Variants in EXOC6B observed in about 807,000 individuals in gnomAD.
The protein encoded by EXOC6B is SEC15 homolog B.
In EXOC6B, 54 loss-of-function variants were observed where a neutral mutation model predicts 113.5. That is an observed-to-expected ratio of 0.48 (90% CI 0.38 to 0.60). The LOEUF is 0.60. EXOC6B is among the 20% of genes least tolerant of loss of function. EXOC6B has a pLI of 0.00. For missense variants in EXOC6B, 797 were observed against 977.5 expected, an observed-to-expected ratio of 0.82 and a Z score of 2.46; for synonymous variants, 357 against 339.0, an observed-to-expected ratio of 1.05 and a Z score of -0.58.
intron 1 of EXOC6B, among the ~76,000 whole-genome samples, chr2:72,776,723 A>C (rs1683726533): frequency 1.3e-5 from 2 of 152,210 alleles, no homozygotes; most frequent in South Asian, 4.1e-4. Flanking sequence ...TACAAGATGA[A>C]TATCTGGGAC....
intron 6 of EXOC6B, among the ~76,000 whole-genome samples, chr2:72,681,488 C>A (rs1035615192): frequency 1.3e-5 from 2 of 152,138 alleles, no homozygotes; most frequent in Admixed American, 1.3e-4. Flanking sequence ...ATAATAAGGG[C>A]TTTCAATTAC....
chr2:72,343,053 T>A (rs1192413714), intron 19 of EXOC6B, among the ~76,000 whole-genome samples: 2 of 152,176 alleles, frequency 1.3e-5, no homozygotes, highest in Non-Finnish European at 2.9e-5. Context: ...AGTGTGGGGA[T>A]CTTTTACAAC....
chr2:72,663,371 A>C (rs1222038849), intron 6 of EXOC6B, among the ~76,000 whole-genome samples: 2 of 152,228 alleles, frequency 1.3e-5, no homozygotes, highest in Non-Finnish European at 2.9e-5. Flanking sequence ...GTAGTGAAAA[A>C]CATGTGACTA....
intron 1 of EXOC6B, among the ~76,000 whole-genome samples, chr2:72,770,365 T>C (rs1683344697): frequency 6.6e-6 from 1 of 152,186 alleles, no homozygotes; most frequent in African/African-American, 2.4e-5. Context: ...CTACAATCCC[T>C]AATCGAAAAT....
At chr2:72,609,522 TAA>T (rs35677129) in intron 6 of EXOC6B, among the ~76,000 whole-genome samples, 7 of 138,830 alleles carry the variant, frequency 5.0e-5, no homozygotes, top group Admixed American at 3.5e-4. Context: ...TAAAAATAAT[TAA>T]AAAAAAAAAA....
At chr2:72,229,164 A>T (rs1681449542) in intron 20 of EXOC6B, among the ~76,000 whole-genome samples, 1 of 152,166 alleles carries the variant, frequency 6.6e-6, no homozygotes, top group Admixed American at 6.5e-5. Context: ...GTTTCTTAGT[A>T]TGAGTGACTG....
chr2:72,562,146 C>T (rs1573397162), intron 7 of EXOC6B, among the ~76,000 whole-genome samples: 1 of 152,224 alleles, frequency 6.6e-6, no homozygotes, highest in South Asian at 2.1e-4. Flanking sequence ...ACTCATGTTG[C>T]TTAGTGCGAG....
intron 6 of EXOC6B, among the ~76,000 whole-genome samples, chr2:72,613,998 T>A (rs1423574162): frequency 2.0e-5 from 3 of 152,182 alleles, no homozygotes; most frequent in African/African-American, 7.2e-5. Context: ...TTCATGTTAG[T>A]ATTATCTACA....
At chr2:72,573,054 C>T (rs568633250) in intron 7 of EXOC6B, among the ~76,000 whole-genome samples, 17 of 152,216 alleles carry the variant, frequency 1.1e-4, no homozygotes, top group African/African-American at 3.9e-4. Context: ...TCTCACTTTC[C>T]TCATCTTCTC....
Position 72,480,769 on chromosome 2 carries a change from A to ATGTAAAAG in EXOC6B, c.1666-27_1666-20dup. The ATGTAAAAG allele has an allele frequency of 6.3e-7, 1 of 1,593,042 alleles. No homozygotes were observed. Among genetic ancestry groups the ATGTAAAAG allele is most frequent in the Non-Finnish European group, 8.6e-7 (1 of 1,168,732 alleles). ...GAACAAGCTAGAAAACAACAAACAC[A>ATGTAAAAG]TGTAAAAGTCATTTAACTACTCACC... On this transcript the variant is annotated intron_variant, in intron 16 of 21. Transcript: ENST00000272427.
intron 1 of EXOC6B, among the ~76,000 whole-genome samples, chr2:72,807,337 G>T (rs1685633816): frequency 6.6e-6 from 1 of 152,136 alleles, no homozygotes; most frequent in South Asian, 2.1e-4. Context: ...TTGTAGGTGT[G>T]TGACTTTATT....
At chr2:72,218,975 A>G (rs1680701543) in intron 20 of EXOC6B, among the ~76,000 whole-genome samples, 1 of 149,932 alleles carries the variant, frequency 6.7e-6, no homozygotes, top group Non-Finnish European at 1.5e-5. Context: ...AAAAAAAAAA[A>G]GGAACAAAGG....
chr2:72,777,849 T>C (rs1334038396), intron 1 of EXOC6B, among the ~76,000 whole-genome samples: 2 of 152,250 alleles, frequency 1.3e-5, no homozygotes, highest in East Asian at 3.9e-4. Context: ...TTGTATACTA[T>C]TGAAACTAAA....
intron 18 of EXOC6B, among the ~76,000 whole-genome samples, chr2:72,448,508 A>G (rs1057229641): frequency 6.6e-6 from 1 of 152,224 alleles, no homozygotes; most frequent in Admixed American, 6.5e-5. Context: ...AACCTGGGGT[A>G]GAAAATTAAA....
At chr2:72,711,909 GA>G (rs1160897873) in intron 6 of EXOC6B, among the ~76,000 whole-genome samples, 1 of 152,088 alleles carries the variant, frequency 6.6e-6, no homozygotes, top group East Asian at 1.9e-4. Flanking sequence ...TGAAGTTTAT[GA>G]ATTATTTCTG....
chr2:72,317,750 C>T (rs1036777987), intron 20 of EXOC6B, among the ~76,000 whole-genome samples: 1 of 152,082 alleles, frequency 6.6e-6, no homozygotes, highest in Admixed American at 6.6e-5. Flanking sequence ...CTTGGTGTAC[C>T]AGTAGCTTTT....
At chr2:72,751,601 T>A (rs78420177) in intron 1 of EXOC6B, among the ~76,000 whole-genome samples, 8,379 of 152,058 alleles carry the variant, frequency 0.055, 770 homozygotes, top group African/African-American at 0.19. Flanking sequence ...AAATAGATAA[T>A]CTGGAAATGA....
At chr2:72,293,634 G>A (rs1310852673) in intron 20 of EXOC6B, among the ~76,000 whole-genome samples, 1 of 152,108 alleles carries the variant, frequency 6.6e-6, no homozygotes, top group African/African-American at 2.4e-5. Flanking sequence ...TGAAAGTCTG[G>A]TTTTGGAGCT....
intron 20 of EXOC6B, among the ~76,000 whole-genome samples, chr2:72,232,597 T>C (rs1681695918): frequency 6.6e-6 from 1 of 152,104 alleles, no homozygotes; most frequent in Non-Finnish European, 1.5e-5. Context: ...TTAAAAATTG[T>C]ACTTTAAAAG....
Sources: gnomAD v4.1 joint callset for allele counts (sites outside exome capture counted in the v4.1 genomes callset) on GRCh38, gnomAD v4.1.1 for gene constraint, MANE v1.5 for transcripts, NCBI Gene and HGNC (gene_info 2026-07-23, HGNC 2026-07-21) for gene names.